Variants in MAP2K4 observed in about 807,000 individuals in gnomAD.
MAP2K4 encodes dual specificity mitogen-activated protein kinase kinase 4.
In MAP2K4, 4 loss-of-function variants were observed where a neutral mutation model predicts 48.5. The ratio of observed to expected loss-of-function variants is 0.08; its 90% CI spans 0.04 to 0.19. The LOEUF (loss-of-function observed/expected upper bound fraction) is 0.19. Among genes scored for constraint, MAP2K4 ranks in the 10% least tolerant of loss-of-function variants. MAP2K4 has a pLI of 1.00. For missense variants in MAP2K4, 258 were observed against 493.3 expected, an observed-to-expected ratio of 0.52 and a Z score of 4.52; for synonymous variants, 166 against 173.1, an observed-to-expected ratio of 0.96 and a Z score of 0.32.
At chr17:12,093,031 A>G (rs1971614444) in intron 3 of MAP2K4, among the ~76,000 whole-genome samples, 2 of 152,196 alleles carry the variant, frequency 1.3e-5, no homozygotes, top group Admixed American at 6.5e-5. Flanking sequence ...GTCTTAAAAA[A>G]AAAAGTTAGC....
chr17:12,113,197 G>A, intron 6 of MAP2K4, 36 bp from the exon 7 acceptor site: 1 of 1,592,402 alleles, frequency 6.3e-7, no homozygotes, highest in Non-Finnish European at 8.6e-7. Context: ...TTAGGAAGAA[G>A]CTAATTGTAT....
intron 1 of MAP2K4, among the ~76,000 whole-genome samples, chr17:12,043,639 T>C (rs923065785): frequency 2.0e-5 from 3 of 152,164 alleles, no homozygotes; most frequent in East Asian, 1.9e-4. Flanking sequence ...TTTACTGTTA[T>C]TGGCTTTATT....
chr17:12,097,172 C>T (rs754443374), intron 4 of MAP2K4, among the ~76,000 whole-genome samples: 6 of 152,140 alleles, frequency 3.9e-5, no homozygotes, highest in East Asian at 1.9e-4. Flanking sequence ...CTTTTCTTCA[C>T]GATCATTAAA....
At position 12,142,409 on chromosome 17, in the gene MAP2K4, TA is replaced by T. The variant is rs1973400774; in HGVS notation, c.*1151del. 4.3e-6 allele frequency: 1 copy of T among 233,042 alleles called. No individual in the cohort carries two copies. Among genetic ancestry groups the T allele is most frequent in the African/African-American group, 2.2e-5 (1 of 45,340 alleles). The allele number at this position is 233,042 out of a possible 1,614,324, so 14.4% of individuals were successfully genotyped here. A position where few individuals can be genotyped will look rare whatever the true frequency, so the allele number is the denominator to read the frequency against. On this transcript the variant is annotated 3_prime_UTR_variant, in exon 11 of 11. Transcript: ENST00000353533. ...CTATTGTCGCTATGTGACTTGCGCT[TA>T]ATCCAATATTTTGCCTTTTTTCTAT...
chr17:12,124,522 A>C (rs992397442), intron 7 of MAP2K4: 3 of 152,102 alleles, frequency 2.0e-5, no homozygotes, highest in Non-Finnish European at 4.4e-5. Flanking sequence ...AATTGTGATA[A>C]ATTTAGCTCT....
intron 2 of MAP2K4, among the ~76,000 whole-genome samples, chr17:12,071,576 C>T (rs1035089744): frequency 2.6e-5 from 4 of 152,036 alleles, no homozygotes; most frequent in African/African-American, 9.7e-5. Context: ...ATTTTTCTCA[C>T]CCTAACTCCC....
intron 3 of MAP2K4, among the ~76,000 whole-genome samples, chr17:12,088,279 A>G (rs1047440718): frequency 6.6e-6 from 1 of 151,668 alleles, no homozygotes; most frequent in Non-Finnish European, 1.5e-5. Flanking sequence ...AATGACAGTA[A>G]CCTTAAGAGG....
intron 2 of MAP2K4, among the ~76,000 whole-genome samples, chr17:12,065,107 G>A (rs28921683): frequency 0.17 from 25,591 of 151,972 alleles, 2,537 homozygotes; most frequent in South Asian, 0.3. Context: ...GGAATGCTCT[G>A]TATCTTGCTG....
At chr17:12,075,351 G>T (rs1008040982) in intron 2 of MAP2K4, among the ~76,000 whole-genome samples, 8 of 152,194 alleles carry the variant, frequency 5.3e-5, no homozygotes, top group African/African-American at 1.9e-4. Flanking sequence ...GATACTGCAT[G>T]ACAGCAAAAG....
At chr17:12,096,493 GATACTT>G (rs1292733473) in intron 4 of MAP2K4, among the ~76,000 whole-genome samples, 1 of 152,130 alleles carries the variant, frequency 6.6e-6, no homozygotes, top group African/African-American at 2.4e-5. Flanking sequence ...CAAAAATTGT[GATACTT>G]AGTTGAGTAG....
chr17:12,135,203 C>T (rs1055684428), intron 9 of MAP2K4, among the ~76,000 whole-genome samples: 2 of 152,154 alleles, frequency 1.3e-5, no homozygotes, highest in African/African-American at 4.8e-5. Context: ...ATTCTCCTGC[C>T]TCAGCCTCCA....
At chr17:12,137,126 G>A (rs1337568524) in intron 9 of MAP2K4, among the ~76,000 whole-genome samples, 1 of 152,164 alleles carries the variant, frequency 6.6e-6, no homozygotes, top group Non-Finnish European at 1.5e-5. Context: ...CTGTAAAACT[G>A]CTCTATGTGT....
chr17:12,062,186 T>G lies in MAP2K4; in HGVS notation c.218+7195T>G, dbSNP rs140170505. ...TGTTTTGTGAATGCCTGATTCTGATTATCTGTTTCCGGGATTTCATCTTTT... is the reference window on the plus strand; with the variant it reads ...TGTTTTGTGAATGCCTGATTCTGATGATCTGTTTCCGGGATTTCATCTTTT... On this transcript the variant is annotated intron_variant, in intron 2 of 10. Transcript: ENST00000353533. Among the ~76,000 whole-genome samples, 13 of 152,266 alleles carry G rather than the reference T, an allele frequency of 8.5e-5. No homozygotes were observed. The East Asian group carries it at 1.9e-3, about 23-fold the overall frequency.
chr17:12,104,027 A>C (rs1972028591), intron 4 of MAP2K4, among the ~76,000 whole-genome samples: 1 of 152,212 alleles, frequency 6.6e-6, no homozygotes, highest in African/African-American at 2.4e-5. Flanking sequence ...TATTTAGCAT[A>C]TGTCCCTGGA....
chr17:12,030,183 A>G (rs1444576752), intron 1 of MAP2K4, among the ~76,000 whole-genome samples: 1 of 152,192 alleles, frequency 6.6e-6, no homozygotes, highest in Non-Finnish European at 1.5e-5. Flanking sequence ...CAGGTCTTAA[A>G]GATTTAGACA....
In MAP2K4 at chr17:12,129,260, C is replaced by G. The variant is rs371746849; in HGVS notation, c.1013C>G (p.Pro338Arg). The G allele has an allele frequency of 6.2e-7, 1 of 1,614,198 alleles. No homozygotes were observed. Among genetic ancestry groups the G allele is most frequent in the Non-Finnish European group, 8.5e-7 (1 of 1,180,018 alleles). The change falls in exon 9 of 11, where the codon CCG becomes CGG. Residue 338 changes from proline (P) to arginine (R), a missense_variant. Physicochemically the swap from Pro to Arg is moderately radical, Grantham distance 103 (BLOSUM62 -2). Transcript: ENST00000353533. ...AATTCTGAGGAAAGGGAATTCTCCC[C>G]GAGTTTCATCAACTTTGTCAACTTG... ...LSNSEEREFS[P>R]SFINFVNLCL...
chr17:12,077,828 T>A (rs1971064217), intron 2 of MAP2K4, among the ~76,000 whole-genome samples: 1 of 152,170 alleles, frequency 6.6e-6, no homozygotes, highest in South Asian at 2.1e-4. Flanking sequence ...AGTCCAAGAT[T>A]AAGGTGCTGG....
At chr17:12,082,103 A>G (rs1971208650) in intron 3 of MAP2K4, 1 of 321,918 alleles carries the variant, frequency 3.1e-6, no homozygotes, top group Non-Finnish European at 6.8e-6. Flanking sequence ...ATGTTGTCAC[A>G]TTTTGTCCTT....
At chr17:12,119,776 A>G (rs1972622644) in intron 7 of MAP2K4, among the ~76,000 whole-genome samples, 1 of 152,250 alleles carries the variant, frequency 6.6e-6, no homozygotes, top group Non-Finnish European at 1.5e-5. Context: ...GATAAAGAAA[A>G]TGTGGTACAT....
Sources: allele counts gnomAD v4.1 joint callset (sites outside exome capture counted in the v4.1 genomes callset), GRCh38; gene constraint gnomAD v4.1.1; transcripts MANE v1.5; gene names NCBI Gene and HGNC (gene_info 2026-07-23, HGNC 2026-07-21).